XIAP: variants seen among roughly 807,000 people sequenced by gnomAD.
XIAP encodes the protein X-linked inhibitor of apoptosis.
A neutral mutation model predicts 33.1 loss-of-function variants in XIAP; 3 were observed. The ratio of observed to expected loss-of-function variants is 0.09; its 90% confidence interval spans 0.04 to 0.23. XIAP has a LOEUF of 0.23. XIAP is among the 10% of genes least tolerant of loss of function. The pLI is 1.00. For synonymous variants in XIAP, 98 were observed against 121.3 expected, an observed-to-expected ratio of 0.81 and a Z score of 1.26; for missense variants, 264 against 363.0, an observed-to-expected ratio of 0.73 and a Z score of 2.22.
rs753567368 is a variant in XIAP at position 123,909,082 on chromosome X, G to A, written c.*1901G>A. 3.6e-6 allele frequency: 1 copy of A among 280,714 alleles called. No individual in the cohort carries two copies. The highest frequency in any genetic ancestry group is 4.4e-5 in the Admixed American group (1 of 22,756). The allele number at this position is 280,714 out of a possible 1,213,427, so 23.1% of individuals were successfully genotyped here. On this transcript the variant is annotated 3_prime_UTR_variant, in exon 7 of 7. Coordinates refer to ENST00000371199, the MANE Select transcript of XIAP (RefSeq NM_001167.4). Reference sequence around the variant, plus strand: ...TCTTGCTTGTCACCCAGGCTGGAGTGCAGTGGAGTGATCTCTGCTCACTGC... The same window carrying A: ...TCTTGCTTGTCACCCAGGCTGGAGTACAGTGGAGTGATCTCTGCTCACTGC...
In XIAP at chrX:123,913,189, G is replaced by A. The variant is rs1483350140; in HGVS notation, c.*6008G>A. Reference sequence around the variant, plus strand: ...ATTGTATCTTCAAAGTAGACAAATGGCGCCGGGCACGGTGGCTCACGCCTG... The same window carrying A: ...ATTGTATCTTCAAAGTAGACAAATGACGCCGGGCACGGTGGCTCACGCCTG... On this transcript the variant is annotated 3_prime_UTR_variant, in exon 7 of 7. Transcript: ENST00000371199. 3.0e-6 allele frequency: 1 copy of A among 328,918 alleles called. No homozygotes were observed. The highest frequency in any genetic ancestry group is 3.1e-5 in the Admixed American group (1 of 32,217). 27.1% of individuals were successfully genotyped at this position (328,918 alleles called of 1,213,427 possible).
chrX:123,899,144 A>ATAT lies in XIAP; in HGVS notation c.1100-1349_1100-1348insTAT, dbSNP rs1556407659. On this transcript the variant is annotated intron_variant, in intron 5 of 6. Coordinates refer to ENST00000371199, the MANE Select transcript of XIAP (RefSeq NM_001167.4). ...CAAAAAAAAAAAAAAAAAAAAAAAA[A>ATAT]ATATATATATATATATATATATGAT... 6.6e-4 allele frequency among the ~76,000 whole-genome samples: 33 copies of ATAT among 50,165 alleles called. 3 individuals are homozygous for ATAT. The highest frequency in any genetic ancestry group is 2.1e-3 in the African/African-American group (25 of 11,847). 43.6% of individuals were successfully genotyped at this position (50,165 alleles called of 115,157 possible). A position where few individuals can be genotyped will look rare whatever the true frequency, so the allele number is the denominator to read the frequency against.
intron 1 of XIAP, among the ~76,000 whole-genome samples, chrX:123,860,721 A>G (rs2053071333): frequency 8.9e-6 from 1 of 112,007 alleles, no homozygotes; most frequent in South Asian, 3.7e-4. Flanking sequence ...ATTCTTTCCA[A>G]TCTGCTTTCC....
At chrX:123,877,241 T>C (rs753423682) in intron 1 of XIAP, among the ~76,000 whole-genome samples, 8 of 111,005 alleles carry the variant, frequency 7.2e-5, no homozygotes, top group Non-Finnish European at 1.3e-4. Flanking sequence ...ACTTTTTGTA[T>C]TTTTAGTAGA....
Position 123,912,590 on chromosome X carries a change from A to G in XIAP, c.*5409A>G, listed in dbSNP as rs774899728. On this transcript the variant is annotated 3_prime_UTR_variant, in exon 7 of 7. Coordinates refer to ENST00000371199, the MANE Select transcript of XIAP (RefSeq NM_001167.4). ...GCAGAGGCTGCATTGAGCTATGATC[A>G]TGGCACTGCATTCCAGCCTGGGTGA... 2.5e-5 allele frequency: 8 copies of G among 324,845 alleles called. No individual in the cohort carries two copies. The highest frequency in any genetic ancestry group is 9.8e-5 in the East Asian group (1 of 10,186). The allele number at this position is 324,845 out of a possible 1,213,427, so 26.8% of individuals were successfully genotyped here.
chrX:123,879,754 A>G (rs1283654567), intron 1 of XIAP, among the ~76,000 whole-genome samples: 4 of 112,126 alleles, frequency 3.6e-5, no homozygotes, highest in African/African-American at 9.7e-5. Context: ...ATTTTCATAC[A>G]GTGGTAATCT....
At chrX:123,897,443 C>T (rs1157597247) in intron 5 of XIAP, among the ~76,000 whole-genome samples, 2 of 111,823 alleles carry the variant, frequency 1.8e-5, no homozygotes, top group African/African-American at 6.5e-5. Flanking sequence ...TAGGGGTCCA[C>T]GTCCTTTTTG....
Position 123,908,294 on chromosome X carries a change from G to T in XIAP, c.*1113G>T. 1 of 366,181 alleles carries T rather than the reference G, an allele frequency of 2.7e-6. No homozygotes were observed. The allele number at this position is 366,181 out of a possible 1,213,427, so 30.2% of individuals were successfully genotyped here. ...TGACAGGTAGACCATGTCTTATCTT[G>T]TTTCAAAATAAGTATTTCTGATTTT... On this transcript the variant is annotated 3_prime_UTR_variant, in exon 7 of 7. Coordinates refer to ENST00000371199, the MANE Select transcript of XIAP (RefSeq NM_001167.4).
In XIAP at chrX:123,907,497, A is replaced by G. The variant is rs2053564103; in HGVS notation, c.*316A>G. 3 of 384,477 alleles carry G rather than the reference A, an allele frequency of 7.8e-6. No homozygotes were observed. The highest frequency in any genetic ancestry group is 2.5e-5 in the African/African-American group (1 of 39,984). The allele number at this position is 384,477 out of a possible 1,213,427, so 31.7% of individuals were successfully genotyped here. A position where few individuals can be genotyped will look rare whatever the true frequency, so the allele number is the denominator to read the frequency against. On this transcript the variant is annotated 3_prime_UTR_variant, in exon 7 of 7. Transcript: ENST00000371199. ...TTAATTTCTAAGTGTAAGTGAATTA[A>G]TCATCTGGATTTTTTATTCTTTTCA...
chrX:123,906,727 T>C (rs896419457), intron 6 of XIAP, among the ~76,000 whole-genome samples: 4 of 112,286 alleles, frequency 3.6e-5, no homozygotes, highest in Middle Eastern at 4.6e-3. Flanking sequence ...TGTTTTCTCA[T>C]CTTGTCCCAG....
chrX:123,866,472 A>G (rs1160696334), intron 1 of XIAP, among the ~76,000 whole-genome samples: 2 of 88,787 alleles, frequency 2.3e-5, no homozygotes, highest in Non-Finnish European at 4.3e-5. Context: ...ATTATATTAT[A>G]TACAATATAT....
chrX:123,909,265 A>G lies in XIAP; in HGVS notation c.*2084A>G. 3.1e-6 allele frequency: 1 copy of G among 327,361 alleles called. No homozygotes were observed. The highest frequency in any genetic ancestry group is 5.9e-6 in the Non-Finnish European group (1 of 168,771). 27.0% of individuals were successfully genotyped at this position (327,361 alleles called of 1,213,427 possible). On this transcript the variant is annotated 3_prime_UTR_variant, in exon 7 of 7. Coordinates refer to ENST00000371199, the MANE Select transcript of XIAP (RefSeq NM_001167.4). ...AGGCTGGTATCAAACTCCTGACCTCAAGAGATCCACTCGCCTTGCCCTCCC... is the reference window on the plus strand; with the variant it reads ...AGGCTGGTATCAAACTCCTGACCTCGAGAGATCCACTCGCCTTGCCCTCCC...
intron 6 of XIAP, among the ~76,000 whole-genome samples, chrX:123,902,924 C>G (rs1289916307): frequency 9.0e-6 from 1 of 110,708 alleles, no homozygotes; most frequent in Non-Finnish European, 1.9e-5. Context: ...ACCTTCTGAC[C>G]TAGAAGAGGG....
rs751242607 is a variant in XIAP, at chrX:123,912,239, T to TAA, written c.*5069_*5070dup. On this transcript the variant is annotated 3_prime_UTR_variant, in exon 7 of 7. Transcript: ENST00000371199. ...GAGAAAAAAAAAAAAGACCACACAA[T>TAA]AAAAAAAAAAAATACAAAATAATAC... The TAA allele has an allele frequency of 6.9e-5, 14 of 202,944 alleles. No individual in the cohort carries two copies. The highest frequency in any genetic ancestry group is 2.2e-4 in the African/African-American group (4 of 18,514). The allele number at this position is 202,944 out of a possible 1,213,427, so 16.7% of individuals were successfully genotyped here.
At chrX:123,889,994 C>G (rs1237898623) in intron 3 of XIAP, among the ~76,000 whole-genome samples, 1 of 79,185 alleles carries the variant, frequency 1.3e-5, no homozygotes, top group Non-Finnish European at 2.3e-5. Flanking sequence ...TACAGTTGTT[C>G]ACATTTTTTT....
rs189779768 is a variant in XIAP at position 123,873,284 on chromosome X, G to A, written c.-32-12347G>A. 2.5e-3 allele frequency among the ~76,000 whole-genome samples: 275 copies of A among 109,136 alleles called. 2 individuals carry two copies. The highest frequency in any genetic ancestry group is 8.6e-3 in the African/African-American group (261 of 30,208). The allele number at this position is 109,136 out of a possible 115,157, so 94.8% of individuals were successfully genotyped here. On this transcript the variant is annotated intron_variant, in intron 1 of 6. Coordinates refer to ENST00000371199, the MANE Select transcript of XIAP (RefSeq NM_001167.4). ...TGACCTCAGATGATCCTCCCGCCTC[G>A]GCCTCCCAAAGTGCTGGGATTACAG...
Position 123,912,752 on chromosome X carries a change from T to C in XIAP, c.*5571T>C. 1 of 328,447 alleles carries C rather than the reference T, an allele frequency of 3.0e-6. No individual in the cohort carries two copies. 27.1% of individuals were successfully genotyped at this position (328,447 alleles called of 1,213,427 possible). On this transcript the variant is annotated 3_prime_UTR_variant, in exon 7 of 7. Transcript: ENST00000371199. Reference sequence around the variant, plus strand: ...CAGGATGGAGTGCAATGGCACAATCTTGGCTCATGGCAAACTCTGCCTCGC... The same window carrying C: ...CAGGATGGAGTGCAATGGCACAATCCTGGCTCATGGCAAACTCTGCCTCGC...
intron 2 of XIAP, among the ~76,000 whole-genome samples, chrX:123,888,115 C>G (rs993241616): frequency 9.9e-4 from 111 of 111,774 alleles, no homozygotes; most frequent in African/African-American, 3.5e-3. Flanking sequence ...GGGTGGATCA[C>G]TTGAGGTCAG....
At chrX:123,899,566 C>G (rs1005843611) in intron 5 of XIAP, among the ~76,000 whole-genome samples, 1 of 108,675 alleles carries the variant, frequency 9.2e-6, no homozygotes, top group East Asian at 2.9e-4. Flanking sequence ...CTTCTATTAC[C>G]ATAGATTAAT....
Sources: gnomAD v4.1 joint callset for allele counts (sites outside exome capture counted in the v4.1 genomes callset) on GRCh38, gnomAD v4.1.1 for gene constraint, MANE v1.5 for transcripts, NCBI Gene and HGNC (gene_info 2026-07-23, HGNC 2026-07-21) for gene names.